The following LEKR1 variants were observed in gnomAD, a reference collection of about 807,000 sequenced individuals.
The protein encoded by LEKR1 is protein LEKR1.
In LEKR1, 59 loss-of-function variants were observed where a neutral mutation model predicts 72.4. That is an observed-to-expected ratio of 0.82 (90% confidence interval 0.66 to 1.01). The LOEUF is 1.01. Among genes scored for constraint, LEKR1 ranks in the 50% least tolerant of loss-of-function variants. LEKR1 has a pLI of 0.00. For synonymous variants in LEKR1, 257 were observed against 263.2 expected (o/e 0.98, Z 0.23); for missense variants, 728 against 759.2 (o/e 0.96, Z 0.48).
At chr3:157,025,124 T>G (rs1000382762) in intron 11 of LEKR1, among the ~76,000 whole-genome samples, 200 bp downstream of exon 11, 7 of 152,216 alleles carry the variant, frequency 4.6e-5, no homozygotes, top group Non-Finnish European at 8.8e-5. Context: ...AAGCATGTAA[T>G]CCAGCTATGT....
intron 9 of LEKR1, among the ~76,000 whole-genome samples, chr3:157,004,156 A>C (rs745366115): frequency 1.3e-5 from 2 of 152,208 alleles, no homozygotes; most frequent in Non-Finnish European, 2.9e-5. Flanking sequence ...GACATAACAC[A>C]CTGACCCTAA....
intron 3 of LEKR1, among the ~76,000 whole-genome samples, chr3:156,892,372 G>A (rs563674805): frequency 1.3e-5 from 2 of 152,262 alleles, no homozygotes; most frequent in South Asian, 2.1e-4. Context: ...ATTCCTGGAC[G>A]AAATTCTCGG....
intron 3 of LEKR1, among the ~76,000 whole-genome samples, chr3:156,907,852 A>C (rs534301710): frequency 1.3e-5 from 2 of 151,756 alleles, no homozygotes; most frequent in South Asian, 2.1e-4. Context: ...TTTTTTTTCC[A>C]GTCCAGTATT....
chr3:156,869,570 T>G (rs959995489), intron 3 of LEKR1, among the ~76,000 whole-genome samples: 19 of 149,838 alleles, frequency 1.3e-4, no homozygotes, highest in African/African-American at 4.0e-4. Context: ...CTGCTAAGGG[T>G]TTTTTTTTCT....
At chr3:156,889,223 T>C (rs1720408339) in intron 3 of LEKR1, among the ~76,000 whole-genome samples, 2 of 152,096 alleles carry the variant, frequency 1.3e-5, no homozygotes, top group African/African-American at 4.8e-5. Flanking sequence ...ACTAAAATCT[T>C]TCTAGGGTTG....
At chr3:156,881,683 G>A (rs1279018878) in intron 3 of LEKR1, among the ~76,000 whole-genome samples, 91 of 146,102 alleles carry the variant, frequency 6.2e-4, no homozygotes, top group Admixed American at 1.4e-3. Context: ...AAAAGAGCCC[G>A]CATCGCCAAG....
chr3:156,936,465 AC>A (rs965225974), intron 5 of LEKR1, among the ~76,000 whole-genome samples: 3 of 133,318 alleles, frequency 2.3e-5, no homozygotes, highest in Non-Finnish European at 4.9e-5. Context: ...ACACACACAC[AC>A]CCCCCGTATG....
intron 3 of LEKR1, among the ~76,000 whole-genome samples, chr3:156,875,992 CAAAAAA>C (rs55816001): frequency 1.4e-5 from 1 of 70,178 alleles, no homozygotes; most frequent in Non-Finnish European, 2.6e-5. Context: ...GACTCCATCT[CAAAAAA>C]AAAAAAAAAA....
chr3:156,901,666 A>G (rs886821704), intron 3 of LEKR1, among the ~76,000 whole-genome samples: 1 of 152,120 alleles, frequency 6.6e-6, no homozygotes, highest in Non-Finnish European at 1.5e-5. Context: ...GAAAATCTCA[A>G]ATATTAATGA....
At chr3:156,878,255 G>A (rs562322159) in intron 3 of LEKR1, among the ~76,000 whole-genome samples, 5 of 152,064 alleles carry the variant, frequency 3.3e-5, no homozygotes, top group African/African-American at 1.2e-4. Flanking sequence ...TTTGATATAA[G>A]CATTTAGTGC....
intron 6 of LEKR1, among the ~76,000 whole-genome samples, chr3:156,964,056 G>C (rs1043522225): frequency 6.6e-6 from 1 of 152,102 alleles, no homozygotes; most frequent in African/African-American, 2.4e-5. Context: ...TATAAGATGG[G>C]TATGAGTATG....
At chr3:156,854,085 A>C (rs1221205819) in intron 3 of LEKR1, among the ~76,000 whole-genome samples, 2 of 150,826 alleles carry the variant, frequency 1.3e-5, no homozygotes, top group Non-Finnish European at 2.9e-5. Flanking sequence ...TTGTATTCTT[A>C]CTGGTACCCT....
intron 3 of LEKR1, among the ~76,000 whole-genome samples, chr3:156,866,180 C>T (rs1247880600): frequency 1.3e-5 from 2 of 152,010 alleles, no homozygotes. Context: ...TCTCCTTTGT[C>T]TGATATTTGT....
intron 10 of LEKR1, among the ~76,000 whole-genome samples, chr3:157,012,457 A>T (rs138556812): frequency 1.3e-5 from 2 of 152,314 alleles, no homozygotes; most frequent in African/African-American, 4.8e-5. Context: ...AGCAACAAGC[A>T]GTGGCCTCCT....
intron 3 of LEKR1, among the ~76,000 whole-genome samples, chr3:156,867,859 T>A (rs1255947198): frequency 2.0e-5 from 3 of 152,110 alleles, no homozygotes; most frequent in African/African-American, 7.2e-5. Flanking sequence ...TATTGAGATA[T>A]GTGAGATAAG....
chr3:156,943,873 A>AT (rs1726452848), intron 6 of LEKR1, among the ~76,000 whole-genome samples: 1 of 151,868 alleles, frequency 6.6e-6, no homozygotes, highest in African/African-American at 2.4e-5. Flanking sequence ...TTAAAATCAG[A>AT]TAAAATTTAA....
intron 9 of LEKR1, among the ~76,000 whole-genome samples, chr3:157,005,937 T>C (rs1576984173): frequency 1.3e-5 from 2 of 151,612 alleles, no homozygotes; most frequent in South Asian, 4.2e-4. Context: ...CATAAAGTGA[T>C]GCTCAATATC....
At chr3:157,037,433 T>A (rs1472183122) in intron 12 of LEKR1, among the ~76,000 whole-genome samples, 2 of 152,124 alleles carry the variant, frequency 1.3e-5, no homozygotes, top group African/African-American at 4.8e-5. Flanking sequence ...AAGCAAGGAA[T>A]ATTGAAGAAA....
chr3:156,846,410 A>G (rs930246398), intron 2 of LEKR1, among the ~76,000 whole-genome samples: 1 of 151,704 alleles, frequency 6.6e-6, no homozygotes, highest in Non-Finnish European at 1.5e-5. Flanking sequence ...AGGGGGAAAA[A>G]CACTGAGTCT....
Sources: allele counts gnomAD v4.1 joint callset (sites outside exome capture counted in the v4.1 genomes callset), GRCh38; gene constraint gnomAD v4.1.1; transcripts MANE v1.5; gene names NCBI Gene and HGNC (gene_info 2026-07-23, HGNC 2026-07-21).